NIN: variants seen among roughly 807,000 people sequenced by gnomAD.
NIN encodes ninein.
NIN carries 137 observed loss-of-function variants against 257.6 expected under a neutral mutation model. The observed-to-expected ratio is 0.53, with a 90% CI of 0.46 to 0.61. NIN has a LOEUF of 0.61. Among genes scored for constraint, NIN ranks in the 20% least tolerant of loss-of-function variants. The pLI, the probability that NIN is intolerant of heterozygous loss-of-function variation, is 0.00. For synonymous variants in NIN, 918 were observed against 919.8 expected, an observed-to-expected ratio of 1.00 and a Z score of 0.04; for missense variants, 2,439 against 2,501.2, an observed-to-expected ratio of 0.98 and a Z score of 0.53.
At position 50,760,313 on chromosome 14, in the gene NIN, T is replaced by C. The variant is rs1158054464; in HGVS notation, c.1943A>G (p.Lys648Arg). The change falls in exon 17 of 31, where the codon AAG (lysine) becomes AGG (arginine). Residue 648 changes from lysine to arginine, a missense_variant. Around this residue, in one of 3 missense-constraint regions of NIN, gnomAD observed 2,043 missense variants for 2,050.2 expected, o/e 1.00. Coordinates refer to ENST00000530997, the MANE Select transcript of NIN (RefSeq NM_020921.4). ...TTGCTTCATGTTCTCCTGTGCCTTC[T>C]TGCAGCTGACCACGGTTTCGTCCAG... ...KQLDETVVSCKKAQENMKQRH... is the reference protein window; with the variant it reads ...KQLDETVVSCRKAQENMKQRH... The C allele has an allele frequency of 1.9e-6, 3 of 1,608,054 alleles. No homozygotes were observed. Among genetic ancestry groups the C allele is most frequent in the Admixed American group, 3.3e-5 (2 of 59,996 alleles).
chr14:50,827,769 A>G (rs1566889555), intron 2 of NIN, among the ~76,000 whole-genome samples: 2 of 151,202 alleles, frequency 1.3e-5, no homozygotes, highest in African/African-American at 4.9e-5. Flanking sequence ...AAAAAAAAAA[A>G]AAAAGAAAGA....
At chr14:50,820,528 AC>A (rs1168453272) in intron 3 of NIN, among the ~76,000 whole-genome samples, 1 of 152,204 alleles carries the variant, frequency 6.6e-6, no homozygotes, top group Non-Finnish European at 1.5e-5. Context: ...CAAGGACCAT[AC>A]TGGGAGATGC....
In NIN at chr14:50,754,755, G is replaced by A; in HGVS notation, c.4651C>T (p.Gln1551Ter). Residue 1551 changes from glutamine (Q) to a stop codon, truncating the protein, a stop_gained, in exon 19 of 31, where the codon CAG (glutamine) becomes TAG (stop). Transcript: ENST00000530997. LOFTEE classifies it high-confidence loss of function. ...NLKLGTLNGSQEEMWQKTETV... is the reference protein window; with the variant it reads ...NLKLGTLNGS ...TATACGTCTTACCACATTTCTTCCT[G>A]AGATCCATTTAATGTCCCTAATTTC... is the stretch of plus-strand genomic sequence containing the variant. 2 of 1,586,450 alleles carry A rather than the reference G, an allele frequency of 1.3e-6. No individual in the cohort carries two copies. Among genetic ancestry groups the A allele is most frequent in the Non-Finnish European group, 1.7e-6 (2 of 1,164,378 alleles).
chr14:50,792,573 A>G, intron 5 of NIN, 139 bp downstream of exon 5: 1 of 833,038 alleles, frequency 1.2e-6, no homozygotes, highest in Non-Finnish European at 1.9e-6. Flanking sequence ...AAAGGCAAGT[A>G]ATAAGATTAG....
intron 27 of NIN, among the ~76,000 whole-genome samples, chr14:50,736,703 T>C (rs58880112): frequency 9.9e-4 from 151 of 152,364 alleles, no homozygotes; most frequent in African/African-American, 3.4e-3. Flanking sequence ...CTGCAAAGTT[T>C]ACTTGAATGT....
Position 50,733,042 on chromosome 14 carries a change from T to C in NIN, c.5877+2474A>G, listed in dbSNP as rs2040796669. On this transcript the variant is annotated intron_variant, in intron 28 of 30. Transcript: ENST00000530997. ...GTGATCACAACACTGAACTCTAGCC[T>C]GGGTGACAGAATCTCAAAAAAAATA... is the stretch of plus-strand genomic sequence containing the variant. Among the ~76,000 whole-genome samples, 2 of 151,926 alleles carry C rather than the reference T, an allele frequency of 1.3e-5. 1 individual carries two copies. Among genetic ancestry groups the C allele is most frequent in the African/African-American group, 4.8e-5 (2 of 41,334 alleles).
At chr14:50,747,737 T>TC (rs2041610308) in intron 22 of NIN, among the ~76,000 whole-genome samples, 1 of 108,548 alleles carries the variant, frequency 9.2e-6, no homozygotes, top group African/African-American at 4.6e-5. Context: ...GGAAACTGTC[T>TC]TAAAAAAAAA....
chr14:50,735,725 G>A, intron 27 of NIN, 108 bp from the exon 28 acceptor site: 1 of 1,357,978 alleles, frequency 7.4e-7, no homozygotes, highest in Non-Finnish European at 9.7e-7. Flanking sequence ...ACTCTTGGAA[G>A]AAAGCCAAGT....
chr14:50,761,124 AG>A, intron 16 of NIN, among the ~76,000 whole-genome samples: 2 of 152,300 alleles, frequency 1.3e-5, no homozygotes, highest in East Asian at 3.9e-4. Flanking sequence ...AGTAGGAGGC[AG>A]AAAATAAAAG....
At chr14:50,728,054 AT>A (rs146848108) in intron 29 of NIN, among the ~76,000 whole-genome samples, 11 of 150,264 alleles carry the variant, frequency 7.3e-5, no homozygotes, top group South Asian at 2.1e-4. Flanking sequence ...TGGTTGGAGG[AT>A]TTTTTTTTTC....
In NIN at chr14:50,754,835, G is replaced by A. The variant is rs1396406065; in HGVS notation, c.4571C>T (p.Ser1524Phe). 2.5e-6 allele frequency: 4 copies of A among 1,578,820 alleles called. No individual in the cohort carries two copies. The highest frequency in any genetic ancestry group is 3.4e-6 in the Non-Finnish European group (4 of 1,165,836). ...AGTAGTAATTTCATTTCTCAAAATA[G>A]AATTTTCCTGTTGAAGCTTTTCAGA... Reference protein sequence around the residue: ...YESEKLQQENSILRNEITTLN... With the variant: ...YESEKLQQENFILRNEITTLN... Residue 1524 changes from serine to phenylalanine, a missense_variant, in exon 19 of 31, where the codon TCT becomes TTT. Ser to Phe is a radical substitution (Grantham distance 155). Transcript: ENST00000530997.
At chr14:50,819,286 T>G (rs146638627) in intron 3 of NIN, among the ~76,000 whole-genome samples, 2,362 of 152,276 alleles carry the variant, frequency 0.016, 76 homozygotes, top group African/African-American at 0.054. Flanking sequence ...GACCCTGATA[T>G]GGTTTGGCTG....
chr14:50,822,031 T>G lies in NIN; in HGVS notation c.26A>C (p.His9Pro), dbSNP rs1226555177. The stretch of plus-strand genomic sequence containing the variant: ...AAACAGCTCCTTGAGTCGGGCCTCA[T>G]GCTGGTCCTGCTCCACCTCATCCAT... Reference protein sequence around the residue: MDEVEQDQHEARLKELFDS... With the variant: MDEVEQDQPEARLKELFDS... Residue 9 changes from histidine (H) to proline (P), a missense_variant, in exon 3 of 31, where the codon CAT becomes CCT. This residue lies in a region of NIN where 387 missense variants were observed against 427.3 expected (regional missense o/e 0.91). Coordinates refer to ENST00000530997, the MANE Select transcript of NIN (RefSeq NM_020921.4). 1 of 1,613,802 alleles carries G rather than the reference T, an allele frequency of 6.2e-7. No individual in the cohort carries two copies.
chr14:50,761,755 G>T (rs193302798), intron 16 of NIN, 35 bp downstream of exon 16: 4 of 1,613,396 alleles, frequency 2.5e-6, no homozygotes, highest in Non-Finnish European at 3.4e-6. Context: ...AGAGCCAAAA[G>T]AAATTAGAGA....
At chr14:50,753,825 C>T (rs374495973) in intron 20 of NIN, among the ~76,000 whole-genome samples, 119 of 151,998 alleles carry the variant, frequency 7.8e-4, no homozygotes, top group Middle Eastern at 3.4e-3. Flanking sequence ...AAAAAAAAGA[C>T]GCTTATTGAA....
chr14:50,819,305 C>T (rs2142400320), intron 3 of NIN, among the ~76,000 whole-genome samples: 1 of 152,284 alleles, frequency 6.6e-6, no homozygotes, highest in African/African-American at 2.4e-5. Context: ...TGTGTCCCCA[C>T]CCAAATGTCA....
Position 50,764,034 on chromosome 14 carries a change from A to C in NIN, c.1636-70T>G, listed in dbSNP as rs1444543467. On this transcript the variant is annotated intron_variant, in intron 14 of 30. Transcript: ENST00000530997. ...GCATAAGCAACAACAACAACAAAAA[A>C]GATAAATTGGATATCATCAAAACAA... The C allele has an allele frequency of 2.2e-6, 3 of 1,373,048 alleles. No homozygotes were observed. The East Asian group carries it at 6.9e-5, about 32-fold the overall frequency. The allele number at this position is 1,373,048 out of a possible 1,614,324, so 85.1% of individuals were successfully genotyped here.
At chr14:50,750,545 C>G (rs986901183) in intron 21 of NIN, among the ~76,000 whole-genome samples, 7 of 151,902 alleles carry the variant, frequency 4.6e-5, no homozygotes, top group Non-Finnish European at 1.5e-5. Context: ...TGTTTACTGA[C>G]TAGATTATCA....
At chr14:50,729,450 T>G (rs115376870) in intron 29 of NIN, 73 bp downstream of exon 29, 13 of 1,428,024 alleles carry the variant, frequency 9.1e-6, no homozygotes, top group African/African-American at 1.4e-5. Context: ...CTCTCCACCT[T>G]TGAACTGGTA....
Sources: gnomAD v4.1 joint callset for allele counts (sites outside exome capture counted in the v4.1 genomes callset) on GRCh38, gnomAD v4.1.1 for gene constraint, gnomAD v4.1.1 regional missense constraint, MANE v1.5 for transcripts, NCBI Gene and HGNC (gene_info 2026-07-23, HGNC 2026-07-21) for gene names.